The following NKAIN3 variants were observed in gnomAD, a reference collection of about 807,000 sequenced individuals.
NKAIN3 encodes the protein sodium/potassium-transporting ATPase subunit beta-1-interacting protein 3.
A neutral mutation model predicts 30.2 loss-of-function variants in NKAIN3; 25 were observed. The ratio of observed to expected loss-of-function variants is 0.83; its 90% CI spans 0.60 to 1.16. The LOEUF is 1.16. NKAIN3 is among the 50% of genes most tolerant of loss of function. The pLI, the probability that NKAIN3 is intolerant of heterozygous loss-of-function variation, is 0.00. For synonymous variants in NKAIN3, 91 were observed against 89.6 expected (o/e 1.02, Z -0.09); for missense variants, 225 against 254.1 (o/e 0.89, Z 0.78).
At chr8:62,399,368 T>A (rs1817864058) in intron 1 of NKAIN3, among the ~76,000 whole-genome samples, 1 of 151,202 alleles carries the variant, frequency 6.6e-6, no homozygotes, top group African/African-American at 2.4e-5. Context: ...TAGCAGAGAG[T>A]GGTGGTGGGT....
At chr8:62,846,547 T>G (rs1459592529) in intron 4 of NKAIN3, among the ~76,000 whole-genome samples, 5 of 152,142 alleles carry the variant, frequency 3.3e-5, no homozygotes, top group Admixed American at 3.3e-4. Flanking sequence ...GTTCTCATCA[T>G]TCAGCTCCCA....
chr8:62,333,699 T>C (rs1174301899), intron 1 of NKAIN3, among the ~76,000 whole-genome samples: 1 of 152,104 alleles, frequency 6.6e-6, no homozygotes, highest in Admixed American at 6.6e-5. Flanking sequence ...AGGCATTCTG[T>C]AGTATTGATA....
intron 1 of NKAIN3, among the ~76,000 whole-genome samples, chr8:62,464,457 T>A (rs1806092969): frequency 6.6e-6 from 1 of 152,188 alleles, no homozygotes; most frequent in African/African-American, 2.4e-5. Flanking sequence ...GTCACTGATA[T>A]TTAATTCATA....
chr8:62,353,617 C>G (rs1585714570), intron 1 of NKAIN3, among the ~76,000 whole-genome samples: 1 of 152,046 alleles, frequency 6.6e-6, no homozygotes, highest in East Asian at 1.9e-4. Flanking sequence ...TTTAGGAAGG[C>G]AGTAATTGAT....
rs1308482125 is a variant in NKAIN3 at position 62,560,518 on chromosome 8, T to A, written c.55-19021T>A. 2.1e-5 allele frequency among the ~76,000 whole-genome samples: 3 copies of A among 145,640 alleles called. No individual in the cohort carries two copies. The Admixed American group carries it at 2.2e-4, about 11-fold the overall frequency. ...TTATTTCATTTTCCAGTTCACTGAA[T>A]CTTTTTTCTTTTCTTTTTTTTTTTT... On this transcript the variant is annotated intron_variant, in intron 1 of 6. Coordinates refer to ENST00000623646, the MANE Select transcript of NKAIN3 (RefSeq NM_001304533.3).
intron 3 of NKAIN3, among the ~76,000 whole-genome samples, chr8:62,619,685 T>C (rs1237426084): frequency 7.3e-6 from 1 of 136,548 alleles, no homozygotes; most frequent in Non-Finnish European, 1.5e-5. Flanking sequence ...AGAATAAATT[T>C]CTTCAAATAT....
chr8:62,407,905 C>A (rs1263202087), intron 1 of NKAIN3, among the ~76,000 whole-genome samples: 3 of 152,106 alleles, frequency 2.0e-5, no homozygotes, highest in African/African-American at 7.2e-5. Context: ...TGGCACGTGT[C>A]CCTAATAGCT....
chr8:62,786,046 A>G (rs1817506507), intron 4 of NKAIN3, among the ~76,000 whole-genome samples: 1 of 151,938 alleles, frequency 6.6e-6, no homozygotes, highest in South Asian at 2.1e-4. Flanking sequence ...TCCCATCCCT[A>G]CTTCCATACC....
chr8:62,956,690 C>T (rs530276542), intron 6 of NKAIN3, among the ~76,000 whole-genome samples: 1 of 152,180 alleles, frequency 6.6e-6, no homozygotes, highest in Non-Finnish European at 1.5e-5. Flanking sequence ...CTGATTACAT[C>T]AATCAGTTTA....
chr8:62,545,040 A>C (rs1184727565), intron 1 of NKAIN3, among the ~76,000 whole-genome samples: 1 of 152,164 alleles, frequency 6.6e-6, no homozygotes, highest in African/African-American at 2.4e-5. Flanking sequence ...GAGGAAGAAG[A>C]GGAGGAGTTG....
chr8:62,830,524 T>G (rs151281779), intron 4 of NKAIN3, among the ~76,000 whole-genome samples: 163 of 152,316 alleles, frequency 1.1e-3, no homozygotes, highest in African/African-American at 3.8e-3. Context: ...TTGCCTTAAA[T>G]TTTTCTAAAG....
intron 4 of NKAIN3, among the ~76,000 whole-genome samples, chr8:62,887,968 T>C (rs1373120616): frequency 6.6e-6 from 1 of 152,192 alleles, no homozygotes; most frequent in African/African-American, 2.4e-5. Context: ...TAGCTGGACG[T>C]AAGTGCAGAG....
chr8:62,595,936 G>A (rs1810818270), intron 3 of NKAIN3, among the ~76,000 whole-genome samples: 1 of 152,156 alleles, frequency 6.6e-6, no homozygotes, highest in South Asian at 2.1e-4. Context: ...CTCTGAAAGA[G>A]ACAAACTTAA....
intron 3 of NKAIN3, among the ~76,000 whole-genome samples, chr8:62,685,157 G>T (rs894051245): frequency 5.3e-5 from 8 of 152,166 alleles, no homozygotes; most frequent in Admixed American, 2.0e-4. Flanking sequence ...ACATTGGCGA[G>T]ATTCATGACA....
chr8:62,869,615 CAAAG>C (rs1022494581), intron 4 of NKAIN3, among the ~76,000 whole-genome samples: 2 of 152,180 alleles, frequency 1.3e-5, no homozygotes, highest in African/African-American at 4.8e-5. Context: ...GCGGCTAAAA[CAAAG>C]CAGGCAGAAA....
chr8:62,500,533 G>A (rs1807414197), intron 1 of NKAIN3, among the ~76,000 whole-genome samples: 1 of 150,612 alleles, frequency 6.6e-6, no homozygotes, highest in Admixed American at 6.6e-5. Context: ...GTGAGGGAGG[G>A]AGGGAGGGAG....
chr8:62,341,747 T>C (rs1048157157), intron 1 of NKAIN3, among the ~76,000 whole-genome samples: 2 of 151,940 alleles, frequency 1.3e-5, no homozygotes, highest in Non-Finnish European at 2.9e-5. Context: ...AAACTACATC[T>C]CTTGTGAATA....
chr8:62,552,260 T>C (rs1385076950), intron 1 of NKAIN3, among the ~76,000 whole-genome samples: 2 of 152,192 alleles, frequency 1.3e-5, no homozygotes, highest in Admixed American at 6.6e-5. Context: ...AAAAGAAAAA[T>C]AGTACTCTGC....
intron 5 of NKAIN3, among the ~76,000 whole-genome samples, chr8:62,933,333 A>G (rs756481689): frequency 4.6e-5 from 7 of 152,232 alleles, no homozygotes; most frequent in Non-Finnish European, 8.8e-5. Flanking sequence ...GCGGACAGTA[A>G]AAAGGAATTA....
Sources: allele counts gnomAD v4.1 joint callset (sites outside exome capture counted in the v4.1 genomes callset), GRCh38; gene constraint gnomAD v4.1.1; transcripts MANE v1.5; gene names NCBI Gene and HGNC (gene_info 2026-07-23, HGNC 2026-07-21).